Variants in AGMO observed in about 807,000 individuals in gnomAD.
The protein encoded by AGMO is alkylglycerol monooxygenase, also known as glyceryl-ether monooxygenase.
In AGMO, 75 loss-of-function variants were observed where a neutral mutation model predicts 60.2. The observed-to-expected ratio is 1.25, with a 90% CI of 1.03 to 1.51. The LOEUF (loss-of-function observed/expected upper bound fraction) is 1.51. Among genes scored for constraint, AGMO ranks in the 40% most tolerant of loss-of-function variants. AGMO has a pLI of 0.00. For synonymous variants in AGMO, 261 were observed against 177.1 expected (o/e 1.47, Z -3.76); for missense variants, 763 against 525.5 (o/e 1.45, Z -4.42).
intron 4 of AGMO, among the ~76,000 whole-genome samples, chr7:15,425,069 T>C (rs114754508): frequency 1.3e-5 from 2 of 152,160 alleles, no homozygotes; most frequent in African/African-American, 4.8e-5. Context: ...ATACTTGATA[T>C]GTTTCAGAGA....
At chr7:15,121,929 G>A in the AGMO span, among the ~76,000 whole-genome samples, 2 of 152,124 alleles carry the variant, frequency 1.3e-5, no homozygotes, top group African/African-American at 4.8e-5. Flanking sequence ...AGGCTTAAAT[G>A]TAAAACCTAA....
the AGMO span, among the ~76,000 whole-genome samples, chr7:15,162,943 T>C: frequency 2.6e-5 from 4 of 152,134 alleles, no homozygotes; most frequent in Non-Finnish European, 5.9e-5. Context: ...ACTCTTGTAA[T>C]GCATTACCAT....
chr7:15,553,079 C>A (rs918519980), intron 2 of AGMO, among the ~76,000 whole-genome samples: 17 of 149,678 alleles, frequency 1.1e-4, no homozygotes, highest in Admixed American at 4.0e-4. Flanking sequence ...GAACAAAAAA[C>A]CAAACACCGC....
At chr7:15,223,384 C>G (rs890636003) in intron 12 of AGMO, among the ~76,000 whole-genome samples, 1 of 151,556 alleles carries the variant, frequency 6.6e-6, no homozygotes, top group Non-Finnish European at 1.5e-5. Context: ...TTGAAATGCT[C>G]CTTTATCCTT....
At chr7:15,339,936 C>A (rs541856266) in intron 12 of AGMO, among the ~76,000 whole-genome samples, 4 of 152,262 alleles carry the variant, frequency 2.6e-5, no homozygotes, top group African/African-American at 9.6e-5. Context: ...ATTTATAATT[C>A]AGCCCATAAG....
At chr7:15,474,454 C>T (rs946212773) in intron 3 of AGMO, among the ~76,000 whole-genome samples, 23 of 152,108 alleles carry the variant, frequency 1.5e-4, no homozygotes, top group African/African-American at 5.3e-4. Context: ...GGAAAAGATT[C>T]CCTATTTAAT....
rs117870769 is a variant in AGMO at position 15,376,280 on chromosome 7, C to T, written c.1074+9166G>A. On this transcript the variant is annotated intron_variant, in intron 10 of 12. Coordinates refer to ENST00000342526, the MANE Select transcript of AGMO (RefSeq NM_001004320.2). ...ATAGACTAGAGAAAAACAGTATACC[C>T]TGGACATTGACTTGAAAACTTTCAT... is the stretch of plus-strand genomic sequence containing the variant. Among the ~76,000 whole-genome samples the T allele has an allele frequency of 3.7e-3, 555 of 152,018 alleles. 2 individuals carry two copies. Among genetic ancestry groups the T allele is most frequent in the Non-Finnish European group, 6.8e-3 (463 of 67,990 alleles).
chr7:15,274,138 G>A (rs981567779), intron 12 of AGMO, among the ~76,000 whole-genome samples: 4 of 152,100 alleles, frequency 2.6e-5, no homozygotes, highest in African/African-American at 7.2e-5. Context: ...TGATTGCCCT[G>A]GCCAGAACTT....
intron 5 of AGMO, among the ~76,000 whole-genome samples, chr7:15,400,842 T>C (rs1784534371): frequency 6.6e-6 from 1 of 152,210 alleles, no homozygotes; most frequent in Non-Finnish European, 1.5e-5. Context: ...TTATATTATC[T>C]GAGTTCAGTT....
intron 10 of AGMO, among the ~76,000 whole-genome samples, chr7:15,380,326 A>T (rs182720517): frequency 7.9e-5 from 12 of 152,304 alleles, no homozygotes; most frequent in Non-Finnish European, 7.3e-5. Context: ...CCGGATACAA[A>T]ATCATATGCA....
chr7:15,287,801 A>C (rs978260007), intron 12 of AGMO, among the ~76,000 whole-genome samples: 24 of 152,028 alleles, frequency 1.6e-4, no homozygotes, highest in African/African-American at 5.6e-4. Context: ...TTTGTATGAT[A>C]AATCTGGTCC....
chr7:15,186,298 T>C, the AGMO span, among the ~76,000 whole-genome samples: 1 of 152,234 alleles, frequency 6.6e-6, no homozygotes, highest in East Asian at 1.9e-4. Context: ...CAGGATTGTT[T>C]TGCTAGACCA....
chr7:15,384,817 C>CG (rs1783847533), intron 10 of AGMO, among the ~76,000 whole-genome samples: 1 of 121,310 alleles, frequency 8.2e-6, no homozygotes, highest in Non-Finnish European at 1.7e-5. Context: ...CTGTTTTTCT[C>CG]TTTTTTTTTT....
the AGMO span, among the ~76,000 whole-genome samples, chr7:15,161,675 CTATATG>C: frequency 8.0e-5 from 12 of 150,816 alleles, no homozygotes; most frequent in East Asian, 2.0e-4. Flanking sequence ...TGGATTAATG[CTATATG>C]TATATGTATA....
intron 12 of AGMO, among the ~76,000 whole-genome samples, chr7:15,223,161 C>T (rs1781975041): frequency 6.6e-6 from 1 of 151,858 alleles, no homozygotes; most frequent in African/African-American, 2.4e-5. Flanking sequence ...AGTGAGTGCT[C>T]AAAAGGCTAT....
intron 12 of AGMO, among the ~76,000 whole-genome samples, chr7:15,317,907 G>A (rs559884851): frequency 9.9e-4 from 120 of 120,640 alleles, no homozygotes; most frequent in African/African-American, 2.7e-3. Flanking sequence ...ACACACACAC[G>A]TATATATATA....
At chr7:15,531,971 A>G (rs1784381095) in intron 3 of AGMO, among the ~76,000 whole-genome samples, 1 of 152,048 alleles carries the variant, frequency 6.6e-6, no homozygotes, top group South Asian at 2.1e-4. Context: ...CCCTGGCCCA[A>G]TAGCTTTTAA....
intron 12 of AGMO, among the ~76,000 whole-genome samples, chr7:15,227,369 T>C (rs1782116535): frequency 6.6e-6 from 1 of 152,046 alleles, no homozygotes; most frequent in South Asian, 2.1e-4. Context: ...TATGGTTATT[T>C]CCAGTTTCTA....
chr7:15,248,208 A>ATATG (rs1782817532), intron 12 of AGMO, among the ~76,000 whole-genome samples: 1 of 95,610 alleles, frequency 1.0e-5, no homozygotes, highest in African/African-American at 4.4e-5. Flanking sequence ...ATATATATAT[A>ATATG]TATATATATA....
Sources: gnomAD v4.1 joint callset for allele counts (sites outside exome capture counted in the v4.1 genomes callset) on GRCh38, gnomAD v4.1.1 for gene constraint, MANE v1.5 for transcripts, NCBI Gene and HGNC (gene_info 2026-07-23, HGNC 2026-07-21) for gene names.